PTPN21: variants seen among roughly 807,000 people sequenced by gnomAD.
PTPN21 encodes tyrosine-protein phosphatase non-receptor type 21.
PTPN21 carries 77 observed loss-of-function variants against 131.8 expected under a neutral mutation model. The ratio of observed to expected loss-of-function variants is 0.58; its 90% CI spans 0.49 to 0.71. PTPN21 has a LOEUF of 0.71. Among genes scored for constraint, PTPN21 ranks in the 30% least tolerant of loss-of-function variants. The probability of loss-of-function intolerance (pLI) is 0.00; values close to 1 mark genes in which losing one functional copy is unlikely to be tolerated. For synonymous variants in PTPN21, 715 were observed against 621.3 expected (o/e 1.15, Z -2.24); for missense variants, 1,552 against 1,527.1 (o/e 1.02, Z -0.27).
At position 88,539,240 on chromosome 14, in the gene PTPN21, C is replaced by T. The variant is rs555838533; in HGVS notation, c.180+10998G>A. Among the ~76,000 whole-genome samples the T allele has an allele frequency of 8.1e-5, 12 of 147,428 alleles. No homozygotes were observed. The South Asian group carries it at 1.3e-3, about 16-fold the overall frequency. ...CTGAGATTACAGGCGACTGCCACCA[C>T]GCCCGGTTAATTTTTTTTTTTTTTT... is the stretch of plus-strand genomic sequence containing the variant. On this transcript the variant is annotated intron_variant, in intron 2 of 18. Coordinates refer to ENST00000556564, the MANE Select transcript of PTPN21 (RefSeq NM_007039.4).
intron 2 of PTPN21, among the ~76,000 whole-genome samples, chr14:88,517,948 G>T (rs1224406628): frequency 6.8e-6 from 1 of 146,376 alleles, no homozygotes; most frequent in African/African-American, 2.5e-5. Context: ...TTTAGTAATT[G>T]AAAAACCAAG....
chr14:88,520,011 G>A (rs1483465986), intron 2 of PTPN21, among the ~76,000 whole-genome samples: 1 of 152,050 alleles, frequency 6.6e-6, no homozygotes, highest in Non-Finnish European at 1.5e-5. Flanking sequence ...GGGTTTCTTG[G>A]GCCCTAAAAA....
At chr14:88,524,052 C>T (rs189010514) in intron 2 of PTPN21, among the ~76,000 whole-genome samples, 68 of 152,234 alleles carry the variant, frequency 4.5e-4, no homozygotes, top group African/African-American at 1.5e-3. Context: ...CAGTACTACC[C>T]AAAGTAATCT....
chr14:88,554,561 G>C (rs899477167), intron 1 of PTPN21, 90 bp downstream of exon 1: 11 of 151,482 alleles, frequency 7.3e-5, no homozygotes, highest in Non-Finnish European at 1.6e-4. Context: ...CCGGGGCCGC[G>C]GGCGCGCTCC....
At chr14:88,506,298 T>A (rs1239324308) in intron 4 of PTPN21, among the ~76,000 whole-genome samples, 1 of 151,876 alleles carries the variant, frequency 6.6e-6, no homozygotes, top group Non-Finnish European at 1.5e-5. Flanking sequence ...CACGATCACA[T>A]CACTGCACTC....
intron 8 of PTPN21, among the ~76,000 whole-genome samples, chr14:88,498,744 C>G (rs552933111): frequency 6.6e-6 from 1 of 152,198 alleles, no homozygotes; most frequent in East Asian, 1.9e-4. Flanking sequence ...GCCAGGAACT[C>G]AAAGAGTGAA....
intron 12 of PTPN21, among the ~76,000 whole-genome samples, chr14:88,484,475 C>A: frequency 6.7e-6 from 1 of 149,396 alleles, no homozygotes; most frequent in East Asian, 2.0e-4. Context: ...AAGCCTCTGG[C>A]AGGGAAAGAA....
Position 88,500,812 on chromosome 14 carries a change from G to A in PTPN21, c.735C>T (p.His245=). 1 of 1,613,558 alleles carries A rather than the reference G, an allele frequency of 6.2e-7. No individual in the cohort carries two copies. Among genetic ancestry groups the A allele is most frequent in the Non-Finnish European group, 8.5e-7 (1 of 1,179,524 alleles). Reference sequence around the variant, plus strand: ...ATACCACAGGATGCCTTCCATTCTTGTGTTTCACAAAGATACCTTCAAGAC... The same window carrying A: ...ATACCACAGGATGCCTTCCATTCTTATGTTTCACAAAGATACCTTCAAGAC... ...GACLEGIFVK[H]KNGRHPVVFR... is the part of the protein sequence containing the mutation. The change falls in exon 8 of 19, where the codon CAC becomes CAT. Residue 245 remains histidine, a synonymous_variant. Transcript: ENST00000556564.
chr14:88,526,129 T>C (rs1227429401), intron 2 of PTPN21, among the ~76,000 whole-genome samples: 3 of 152,098 alleles, frequency 2.0e-5, no homozygotes, highest in Non-Finnish European at 4.4e-5. Flanking sequence ...TGGTGGTTGC[T>C]AGGGGCAGGG....
At chr14:88,518,992 C>T (rs61984681) in intron 2 of PTPN21, among the ~76,000 whole-genome samples, 19 of 1,370 alleles carry the variant, frequency 0.014, no homozygotes, top group Non-Finnish European at 0.11. Context: ...CACACACATA[C>T]ACACACACAC....
chr14:88,538,064 GA>G (rs1203258499), intron 2 of PTPN21, among the ~76,000 whole-genome samples: 2 of 152,178 alleles, frequency 1.3e-5, no homozygotes, highest in African/African-American at 4.8e-5. Context: ...TAACCAACAA[GA>G]ATGACAGGGA....
At chr14:88,533,654 C>CAGACA (rs1387961877) in intron 2 of PTPN21, among the ~76,000 whole-genome samples, 1 of 152,020 alleles carries the variant, frequency 6.6e-6, no homozygotes, top group Non-Finnish European at 1.5e-5. Context: ...AGACTGAGGC[C>CAGACA]AGAGGATCAC....
rs142741285 is a variant in PTPN21 at position 88,479,625 on chromosome 14, C to A, written c.1806G>T (p.Ser602=). 3.1e-4 allele frequency: 485 copies of A among 1,570,142 alleles called. 2 individuals are homozygous for A. The African/African-American group carries it at 5.8e-3, about 19-fold the overall frequency. ...PDLITRRVHH[S]VQTFQEDSLP... ...GGCTGTCCTCCTGGAACGTTTGCACCGAGTGGTGCACGCGCCGCGTGATGA... is the reference window on the plus strand; with the variant it reads ...GGCTGTCCTCCTGGAACGTTTGCACAGAGTGGTGCACGCGCCGCGTGATGA... Residue 602 remains serine (S), a synonymous_variant, in exon 13 of 19, where the codon TCG becomes TCT. Transcript: ENST00000556564.
chr14:88,470,156 AAG>A (rs564999985), intron 15 of PTPN21, 106 bp from the exon 16 acceptor site: 12,481 of 1,013,476 alleles, frequency 0.012, 79 homozygotes, highest in Non-Finnish European at 0.016. Flanking sequence ...AAAAAGTAAA[AAG>A]TAAAAAAGTA....
intron 2 of PTPN21, among the ~76,000 whole-genome samples, chr14:88,534,072 C>T (rs1184750127): frequency 6.6e-6 from 1 of 152,106 alleles, no homozygotes; most frequent in Non-Finnish European, 1.5e-5. Context: ...TAGTTTTCAA[C>T]ACAGAAGTTT....
At chr14:88,488,462 TTTC>T (rs2077770004) in intron 10 of PTPN21, among the ~76,000 whole-genome samples, 1 of 152,164 alleles carries the variant, frequency 6.6e-6, no homozygotes, top group Non-Finnish European at 1.5e-5. Context: ...TAACCTTCTC[TTTC>T]TTCTTGGCAT....
At chr14:88,531,945 C>CA (rs1281707139) in intron 2 of PTPN21, among the ~76,000 whole-genome samples, 1 of 151,922 alleles carries the variant, frequency 6.6e-6, no homozygotes, top group African/African-American at 2.4e-5. Context: ...CACAGAAATA[C>CA]AAAAGATCAT....
intron 3 of PTPN21, among the ~76,000 whole-genome samples, chr14:88,516,605 T>C (rs1022683409): frequency 6.6e-6 from 1 of 152,104 alleles, no homozygotes; most frequent in South Asian, 2.1e-4. Context: ...AGTGCACTTA[T>C]TGGCCAAAAT....
At position 88,504,466 on chromosome 14, in the gene PTPN21, T is replaced by C. The variant is rs1301851600; in HGVS notation, c.546A>G (p.Glu182=). The C allele has an allele frequency of 6.2e-7, 1 of 1,613,076 alleles. No individual in the cohort carries two copies. Among genetic ancestry groups the C allele is most frequent in the Non-Finnish European group, 8.5e-7 (1 of 1,179,064 alleles). The change falls in exon 6 of 19, where the codon GAA becomes GAG. Residue 182 remains glutamate, a synonymous_variant. Coordinates refer to ENST00000556564, the MANE Select transcript of PTPN21 (RefSeq NM_007039.4). ...GTAAGGCCACTTTTTGGGTTGCTTC[T>C]TCCAATACTTTTTCATCTTGTAACC... ...VGWLQDEKVL[E]EATQKVALLH...
Sources: allele counts gnomAD v4.1 joint callset (sites outside exome capture counted in the v4.1 genomes callset), GRCh38; gene constraint gnomAD v4.1.1; transcripts MANE v1.5; gene names NCBI Gene and HGNC (gene_info 2026-07-23, HGNC 2026-07-21).